Variants in NCAM1 observed in about 807,000 individuals in gnomAD.
NCAM1 encodes the protein antigen recognized by monoclonal antibody 5.1H11.
Under a neutral mutation model 109.8 loss-of-function variants are expected in NCAM1, and 14 were observed. The observed-to-expected ratio is 0.13, with a 90% confidence interval of 0.08 to 0.20. NCAM1 has a LOEUF of 0.20. Among genes scored for constraint, NCAM1 ranks in the 10% least tolerant of loss-of-function variants. The pLI, the probability that NCAM1 is intolerant of heterozygous loss-of-function variation, is 1.00. For missense variants in NCAM1, 774 were observed against 1,109.9 expected, an observed-to-expected ratio of 0.70 and a Z score of 4.30; for synonymous variants, 418 against 442.9, an observed-to-expected ratio of 0.94 and a Z score of 0.70.
In NCAM1 at chr11:113,276,265, T is replaced by C. The variant is rs577674683; in HGVS notation, c.*878T>C. On this transcript the variant is annotated 3_prime_UTR_variant, in exon 20 of 20. Transcript: ENST00000316851. ...GACAACTTTACAAAACATGATTGTT[T>C]ACAGCTGCTCTTCCCCTCTTTTCTG... 66 of 152,780 alleles carry C rather than the reference T, an allele frequency of 4.3e-4. No individual in the cohort carries two copies. Among genetic ancestry groups the C allele is most frequent in the African/African-American group, 1.3e-3 (53 of 41,586 alleles). 9.5% of individuals were successfully genotyped at this position (152,780 alleles called of 1,614,324 possible).
intron 1 of NCAM1, among the ~76,000 whole-genome samples, chr11:113,111,208 A>G (rs1338249256): frequency 6.6e-6 from 1 of 152,174 alleles, no homozygotes; most frequent in Admixed American, 6.5e-5. Flanking sequence ...TAAACAAAGC[A>G]TTTGTTTTCA....
intron 1 of NCAM1, among the ~76,000 whole-genome samples, chr11:113,128,534 C>A (rs556235358): frequency 1.0e-3 from 151 of 151,000 alleles, no homozygotes; most frequent in African/African-American, 3.5e-3. Context: ...GGGGTATATA[C>A]TCCATGGTGA....
chr11:113,097,307 G>C (rs1939646035), intron 1 of NCAM1, among the ~76,000 whole-genome samples: 1 of 152,190 alleles, frequency 6.6e-6, no homozygotes, highest in Non-Finnish European at 1.5e-5. Flanking sequence ...AGCATCTTCT[G>C]TATGCCAGAC....
chr11:113,235,789 A>G (rs1945149531), intron 14 of NCAM1, among the ~76,000 whole-genome samples: 1 of 151,998 alleles, frequency 6.6e-6, no homozygotes, highest in Admixed American at 6.6e-5. Context: ...TCAGGGATGT[A>G]TCTCTAGGTT....
chr11:113,050,211 A>T (rs1953425423), intron 1 of NCAM1, among the ~76,000 whole-genome samples: 1 of 152,182 alleles, frequency 6.6e-6, no homozygotes, highest in Non-Finnish European at 1.5e-5. Context: ...GCTGGATATG[A>T]TTTATGCTAA....
intron 1 of NCAM1, among the ~76,000 whole-genome samples, chr11:113,047,504 G>C (rs1187839984): frequency 1.3e-5 from 2 of 152,172 alleles, no homozygotes; most frequent in African/African-American, 4.8e-5. Flanking sequence ...TATAGTCTCA[G>C]AACAATTTCC....
At chr11:113,062,014 A>T (rs536855356) in intron 1 of NCAM1, among the ~76,000 whole-genome samples, 6 of 152,312 alleles carry the variant, frequency 3.9e-5, no homozygotes, top group Non-Finnish European at 8.8e-5. Flanking sequence ...GAGTCTTAGG[A>T]GAAGTACCCT....
rs541732060 is a variant in NCAM1 at position 113,151,117 on chromosome 11, C to T, written c.53-51262C>T. Among the ~76,000 whole-genome samples the T allele has an allele frequency of 3.3e-5, 5 of 152,256 alleles. No homozygotes were observed. In the South Asian group the frequency reaches 8.3e-4, roughly 25 times the overall value. ...CTCCTCAGTGGGACCTCATGAGCCA[C>T]GTTGACATTCTGAGATGACAAGCCT... On this transcript the variant is annotated intron_variant, in intron 1 of 19. Coordinates refer to ENST00000316851, the MANE Select transcript of NCAM1 (RefSeq NM_181351.5).
At chr11:113,018,601 G>C (rs782583820) in intron 1 of NCAM1, among the ~76,000 whole-genome samples, 7 of 152,106 alleles carry the variant, frequency 4.6e-5, no homozygotes, top group Non-Finnish European at 8.8e-5. Flanking sequence ...CCTAGGCCTT[G>C]TTCATTCAGT....
intron 1 of NCAM1, among the ~76,000 whole-genome samples, chr11:113,013,098 G>A (rs1206065818): frequency 6.6e-6 from 1 of 151,910 alleles, no homozygotes; most frequent in African/African-American, 2.4e-5. Flanking sequence ...ATTATCTAGA[G>A]GTTTGAAATT....
rs1470567519 is a variant in NCAM1 at position 112,963,343 on chromosome 11, C to G, written c.52+1679C>G. The G allele has an allele frequency of 6.6e-6, 1 of 152,366 alleles. No homozygotes were observed. The highest frequency in any genetic ancestry group is 2.4e-5 in the African/African-American group (1 of 41,466). 9.4% of individuals were successfully genotyped at this position (152,366 alleles called of 1,614,324 possible). A position where few individuals can be genotyped will look rare whatever the true frequency, so the allele number is the denominator to read the frequency against. On this transcript the variant is annotated intron_variant, in intron 1 of 19. Coordinates refer to ENST00000316851, the MANE Select transcript of NCAM1 (RefSeq NM_181351.5). This position sits in a 1 kb window ranked among gnomAD's most constrained non-coding sequence, Gnocchi z 4.6. Reference sequence around the variant, plus strand: ...CGTGCTCGCCCACTCTCGCCTCTTTCACGCCGACTTGGAGCATCCCACCGC... The same window carrying G: ...CGTGCTCGCCCACTCTCGCCTCTTTGACGCCGACTTGGAGCATCCCACCGC...
chr11:113,208,319 A>G (rs1210689515), intron 7 of NCAM1, among the ~76,000 whole-genome samples: 5 of 152,188 alleles, frequency 3.3e-5, no homozygotes, highest in Non-Finnish European at 5.9e-5. Context: ...GGCAACCAGA[A>G]TAAAATTCAG....
chr11:112,966,946 G>A (rs1357936059), intron 1 of NCAM1, among the ~76,000 whole-genome samples: 1 of 152,144 alleles, frequency 6.6e-6, no homozygotes, highest in Non-Finnish European at 1.5e-5. Flanking sequence ...TAAGCTATTT[G>A]GTGTATCTTG....
At chr11:113,242,338 G>A (rs1163623943) in intron 14 of NCAM1, among the ~76,000 whole-genome samples, 6 of 152,016 alleles carry the variant, frequency 3.9e-5, no homozygotes, top group African/African-American at 4.8e-5. Flanking sequence ...TGTATATTAA[G>A]GCCCAGCATG....
chr11:113,129,035 C>A (rs1216868229), intron 1 of NCAM1, among the ~76,000 whole-genome samples: 1 of 151,760 alleles, frequency 6.6e-6, no homozygotes, highest in African/African-American at 2.4e-5. Context: ...AAACATTAAA[C>A]CCATCTTTAT....
In NCAM1 at chr11:113,175,123, C is replaced by T. The variant is rs561117153; in HGVS notation, c.53-27256C>T. Among the ~76,000 whole-genome samples the T allele has an allele frequency of 1.1e-4, 17 of 152,316 alleles. No homozygotes were observed. The East Asian group carries it at 3.3e-3, about 29-fold the overall frequency. ...TTAGATTAACTGAAGCCTTTGAATA[C>T]TAACTTTGATGTGTTATGTTAACCA... is the stretch of plus-strand genomic sequence containing the variant. On this transcript the variant is annotated intron_variant, in intron 1 of 19. Coordinates refer to ENST00000316851, the MANE Select transcript of NCAM1 (RefSeq NM_181351.5).
chr11:112,978,950 A>C (rs1951077741), intron 1 of NCAM1, among the ~76,000 whole-genome samples: 1 of 151,908 alleles, frequency 6.6e-6, no homozygotes, highest in African/African-American at 2.4e-5. Context: ...AGATATATTT[A>C]ACTATCTGTG....
intron 1 of NCAM1, among the ~76,000 whole-genome samples, chr11:112,995,912 G>T (rs894408106): frequency 1.3e-5 from 2 of 152,076 alleles, no homozygotes; most frequent in Admixed American, 6.6e-5. Context: ...ATGGGAGTGT[G>T]GTGGAGCCTG....
chr11:113,232,593 G>C, intron 11 of NCAM1, 125 bp from the exon 12 acceptor site: 4 of 863,750 alleles, frequency 4.6e-6, no homozygotes, highest in Non-Finnish European at 7.4e-6. Flanking sequence ...TTTAAGGCTG[G>C]GCTGGAGCTA....
Sources: gnomAD v4.1 joint callset for allele counts (sites outside exome capture counted in the v4.1 genomes callset) on GRCh38, gnomAD v4.1.1 for gene constraint, Gnocchi (gnomAD v3.1) non-coding constraint, MANE v1.5 for transcripts, NCBI Gene and HGNC (gene_info 2026-07-23, HGNC 2026-07-21) for gene names.